Variants in GLI3 observed in about 807,000 individuals in gnomAD.
GLI3 encodes the protein transcription activator GLI3.
GLI3 carries 20 observed loss-of-function variants against 100.8 expected under a neutral mutation model. The observed-to-expected ratio is 0.20, with a 90% CI of 0.14 to 0.29. GLI3 has a LOEUF of 0.29. Ranked by LOEUF, GLI3 falls within the 10% of genes least tolerant of loss-of-function variation. GLI3 has a pLI of 1.00. For missense variants in GLI3, 2,040 were observed against 2,128.5 expected (o/e 0.96, Z 0.82); for synonymous variants, 938 against 860.5 (o/e 1.09, Z -1.58).
intron 2 of GLI3, among the ~76,000 whole-genome samples, chr7:42,199,706 A>G (rs546771669): frequency 6.6e-6 from 1 of 152,326 alleles, no homozygotes; most frequent in Admixed American, 6.5e-5. Flanking sequence ...TATCGGATTT[A>G]TCCTGTGATG....
At chr7:42,206,746 G>A (rs1229067201) in intron 2 of GLI3, among the ~76,000 whole-genome samples, 4 of 152,012 alleles carry the variant, frequency 2.6e-5, no homozygotes, top group African/African-American at 7.2e-5. Flanking sequence ...AGAATAGACA[G>A]GTTGATCATA....
intron 2 of GLI3, among the ~76,000 whole-genome samples, chr7:42,205,268 C>G (rs1788126443): frequency 6.6e-6 from 1 of 152,144 alleles, no homozygotes; most frequent in African/African-American, 2.4e-5. Context: ...ATTTGACAAC[C>G]AGCATTATCT....
chr7:42,262,225 T>TTCCTTCC (rs1789151410), intron 1 of GLI3, among the ~76,000 whole-genome samples: 21 of 118,786 alleles, frequency 1.8e-4, no homozygotes, highest in Middle Eastern at 6.0e-3. Context: ...TCCTTCCTTC[T>TTCCTTCC]TTCCTTCCTT....
chr7:41,962,442 A>T lies in GLI3; in HGVS notation c.*1888T>A, dbSNP rs1016116165. The stretch of plus-strand genomic sequence containing the variant: ...GTAGAGCCTCTACTTTCCTATGCTC[A>T]GATCAGTAGTTCTCTTTTGTTATGG... On this transcript the variant is annotated 3_prime_UTR_variant, in exon 15 of 15. Coordinates refer to ENST00000395925, the MANE Select transcript of GLI3 (RefSeq NM_000168.6). The T allele has an allele frequency of 6.6e-6, 1 of 152,234 alleles. No individual in the cohort carries two copies. Among genetic ancestry groups the T allele is most frequent in the African/African-American group, 2.4e-5 (1 of 41,472 alleles). 9.4% of individuals were successfully genotyped at this position (152,234 alleles called of 1,614,324 possible). A position where few individuals can be genotyped will look rare whatever the true frequency, so the allele number is the denominator to read the frequency against.
At chr7:42,151,524 T>C (rs916454163) in intron 2 of GLI3, 16 of 152,204 alleles carry the variant, frequency 1.1e-4, no homozygotes, top group Non-Finnish European at 1.9e-4. Flanking sequence ...CTGTCCACCA[T>C]GGCAACAGGC....
chr7:42,002,500 C>A (rs956695733), intron 10 of GLI3, among the ~76,000 whole-genome samples: 1 of 151,950 alleles, frequency 6.6e-6, no homozygotes, highest in African/African-American at 2.4e-5. Context: ...TAATAAAATA[C>A]GTAGACAAAG....
At chr7:42,061,730 T>C (rs1562709634) in intron 4 of GLI3, among the ~76,000 whole-genome samples, 1 of 152,194 alleles carries the variant, frequency 6.6e-6, no homozygotes, top group Non-Finnish European at 1.5e-5. Flanking sequence ...CAAAATTAAA[T>C]TACATATGGA....
intron 3 of GLI3, among the ~76,000 whole-genome samples, chr7:42,145,886 G>A (rs1786694669): frequency 6.6e-6 from 1 of 152,168 alleles, no homozygotes; most frequent in Non-Finnish European, 1.5e-5. Flanking sequence ...ACACCATGGA[G>A]CAGGCAGTCA....
At chr7:42,014,238 A>G (rs149640392) in intron 10 of GLI3, among the ~76,000 whole-genome samples, 93 of 152,314 alleles carry the variant, frequency 6.1e-4, no homozygotes, top group African/African-American at 2.2e-3. Context: ...CACCTGGAAT[A>G]AAAGTCAGAC....
intron 10 of GLI3, among the ~76,000 whole-genome samples, chr7:41,987,137 C>CAG (rs1787853961): frequency 6.7e-6 from 1 of 149,902 alleles, no homozygotes; most frequent in African/African-American, 2.5e-5. Flanking sequence ...CACACACACA[C>CAG]AGATGGGTTG....
Position 42,173,923 on chromosome 7 carries a change from G to C in GLI3, c.125-25455C>G, listed in dbSNP as rs536752738. On this transcript the variant is annotated intron_variant, in intron 2 of 14. Coordinates refer to ENST00000395925, the MANE Select transcript of GLI3 (RefSeq NM_000168.6). ...CCACTGCCACATGGCTTTTATTTCT[G>C]AGAAATCACTAAAGGATTACAGAAA... is the stretch of plus-strand genomic sequence containing the variant. Among the ~76,000 whole-genome samples, 3 of 152,218 alleles carry C rather than the reference G, an allele frequency of 2.0e-5. No homozygotes were observed. The East Asian group carries it at 5.8e-4, about 29-fold the overall frequency.
intron 1 of GLI3, among the ~76,000 whole-genome samples, chr7:42,236,461 T>C (rs1046007948): frequency 3.3e-5 from 5 of 152,048 alleles, no homozygotes; most frequent in South Asian, 2.1e-4. Flanking sequence ...CTCCGAAGCA[T>C]AGCCCGGGCT....
At position 41,967,787 on chromosome 7, in the gene GLI3, G is replaced by A. The variant is rs1787229890; in HGVS notation, c.2240C>T (p.Thr747Ile). ...GGAAATGGTTGAGTCCATGATTGGG[G>A]TTTCATCGATGGCACTGAGGTCTCC... ...SIGDLSAIDE[T>I]PIMDSTISTA... Residue 747 changes from threonine (T) to isoleucine (I), a missense_variant, in exon 14 of 15, where the codon ACC (threonine) becomes ATC (isoleucine). Thr to Ile is a moderately conservative substitution (Grantham distance 89, BLOSUM62 -1). Around this residue, in one of 5 missense-constraint regions of GLI3, gnomAD observed 327 missense variants for 338.7 expected, o/e 0.97. Transcript: ENST00000395925. The A allele has an allele frequency of 6.2e-7, 1 of 1,614,140 alleles. No homozygotes were observed. Among genetic ancestry groups the A allele is most frequent in the East Asian group, 2.2e-5 (1 of 44,886 alleles).
intron 2 of GLI3, among the ~76,000 whole-genome samples, chr7:42,165,282 T>C (rs1054500105): frequency 1.3e-5 from 2 of 152,080 alleles, no homozygotes; most frequent in Admixed American, 1.3e-4. Context: ...TGTCCCTGCA[T>C]CCCTACTATA....
At chr7:42,132,887 T>TA (rs927009976) in intron 3 of GLI3, among the ~76,000 whole-genome samples, 2 of 151,312 alleles carry the variant, frequency 1.3e-5, no homozygotes, top group Non-Finnish European at 2.9e-5. Flanking sequence ...AAAAAGACCC[T>TA]AAAAGGTATT....
intron 2 of GLI3, among the ~76,000 whole-genome samples, chr7:42,171,048 C>T (rs1170061343): frequency 3.9e-5 from 6 of 152,172 alleles, no homozygotes; most frequent in Non-Finnish European, 5.9e-5. Context: ...TCCCCACTCA[C>T]CTCACTTTCC....
chr7:42,009,005 G>A (rs1788535429), intron 10 of GLI3, among the ~76,000 whole-genome samples: 1 of 152,168 alleles, frequency 6.6e-6, no homozygotes. Flanking sequence ...CCTGGAAACA[G>A]GTACACCAAA....
chr7:42,121,928 C>T (rs3801192), intron 3 of GLI3, among the ~76,000 whole-genome samples: 14,164 of 152,104 alleles, frequency 0.093, 696 homozygotes, highest in African/African-American at 0.12. Flanking sequence ...TTAAAAGGTA[C>T]CAAGTAGCCA....
intron 2 of GLI3, among the ~76,000 whole-genome samples, chr7:42,159,544 CA>C (rs1787083882): frequency 6.6e-6 from 1 of 152,060 alleles, no homozygotes; most frequent in African/African-American, 2.4e-5. Context: ...TAATCAAGAA[CA>C]AAACCAGACT....
Sources: allele counts gnomAD v4.1 joint callset (sites outside exome capture counted in the v4.1 genomes callset), GRCh38; gene constraint gnomAD v4.1.1; regional missense constraint gnomAD v4.1.1; transcripts MANE v1.5; gene names NCBI Gene and HGNC (gene_info 2026-07-23, HGNC 2026-07-21).